Variants in STAB2 observed in about 807,000 individuals in gnomAD.
STAB2 encodes stabilin 2.
Under a neutral mutation model 338.1 loss-of-function variants are expected in STAB2, and 288 were observed. The ratio of observed to expected loss-of-function variants is 0.85; its 90% CI spans 0.77 to 0.94. The LOEUF (loss-of-function observed/expected upper bound fraction) is 0.94. Ranked by LOEUF, STAB2 falls within the 40% of genes least tolerant of loss-of-function variation. The pLI, the probability that STAB2 is intolerant of heterozygous loss-of-function variation, is 0.00. For synonymous variants in STAB2, 1,202 were observed against 1,193.3 expected (o/e 1.01, Z -0.15); for missense variants, 3,141 against 3,210.1 (o/e 0.98, Z 0.52).
intron 63 of STAB2, among the ~76,000 whole-genome samples, chr12:103,756,966 T>C (rs904419768): frequency 1.4e-5 from 2 of 143,972 alleles, no homozygotes; most frequent in African/African-American, 5.2e-5. Context: ...ACCTACCTTC[T>C]CTGGGCCTCA....
Position 103,725,071 on chromosome 12 carries a change from A to G in STAB2, c.4780A>G (p.Thr1594Ala), listed in dbSNP as rs760522305. The part of the protein sequence containing the change: ...CKPNYIGDGF[T>A]CRGSIYQELP... ...GCCAAACTACATTGGAGATGGATTT[A>G]CCTGCCGCGGCAGCATTTATCAGGT... The change falls in exon 45 of 69, where the codon ACC (threonine) becomes GCC (alanine). Residue 1594 changes from threonine to alanine, a missense_variant. Transcript: ENST00000388887. 7 of 1,613,350 alleles carry G rather than the reference A, an allele frequency of 4.3e-6. No homozygotes were observed. Among genetic ancestry groups the G allele is most frequent in the Non-Finnish European group, 5.9e-6 (7 of 1,179,288 alleles).
intron 30 of STAB2, 68 bp from the exon 31 acceptor site, chr12:103,692,744 A>C: frequency 1.9e-5 from 25 of 1,339,928 alleles, no homozygotes; most frequent in Non-Finnish European, 2.4e-5. Flanking sequence ...CAGAAACCCC[A>C]GAGATCATCT....
intron 3 of STAB2, among the ~76,000 whole-genome samples, chr12:103,598,643 G>A (rs925856935): frequency 3.3e-5 from 5 of 152,030 alleles, no homozygotes; most frequent in South Asian, 2.1e-4. Flanking sequence ...ACACTTTTTC[G>A]TTAAAAATTT....
At position 103,690,514 on chromosome 12, in the gene STAB2, C is replaced by T. The variant is rs751626024; in HGVS notation, c.3273C>T (p.Phe1091=). The change falls in exon 30 of 69, where the codon TTC becomes TTT. Residue 1091 remains phenylalanine, a synonymous_variant. Coordinates refer to ENST00000388887, the MANE Select transcript of STAB2 (RefSeq NM_017564.10). ...TGGCAACATCTTTGCAGGGCAACTT[C>T]CTTCACTTGGCAAAGGTGGATGGGG... ...DMLATSLQGN[F]LHLAKVDGNI... The T allele has an allele frequency of 2.5e-6, 4 of 1,614,074 alleles. No homozygotes were observed. The highest frequency in any genetic ancestry group is 3.4e-6 in the Non-Finnish European group (4 of 1,179,944).
intron 24 of STAB2, 92 bp downstream of exon 24, chr12:103,676,113 G>C: frequency 1.1e-6 from 1 of 897,462 alleles, no homozygotes; most frequent in Non-Finnish European, 1.6e-6. Flanking sequence ...CCAGGCTGGA[G>C]TGCAATGGCA....
Position 103,655,470 on chromosome 12 carries a change from A to G in STAB2, c.1623A>G (p.Gly541=). 6.2e-7 allele frequency: 1 copy of G among 1,614,060 alleles called. No homozygotes were observed. Among genetic ancestry groups the G allele is most frequent in the South Asian group, 1.1e-5 (1 of 91,058 alleles). The part of the protein sequence containing the change: ...FRSLLEETNL[G]HALDEDGVGG... ...CCCAAATGCAGGAAACCAATTTGGG[A>G]CATGCCTTAGATGAGGATGGAGTTG... The change falls in exon 15 of 69, where the codon GGA becomes GGG. Residue 541 remains glycine, a synonymous_variant. Transcript: ENST00000388887.
rs755907543 is a variant in STAB2, at chr12:103,746,710, C to A, written c.6244+6C>A. ...TGACGGAATCACATGCACAGGTAAG[C>A]CACCTTTGTGCACAGGTGAAATAGC... On this transcript the variant is annotated splice_donor_region_variant and intron_variant, in intron 58 of 68. Transcript: ENST00000388887. 1 of 1,612,800 alleles carries A rather than the reference C, an allele frequency of 6.2e-7. No homozygotes were observed. Among genetic ancestry groups the A allele is most frequent in the East Asian group, 2.2e-5 (1 of 44,864 alleles).
rs895656717 is a variant in STAB2, at chr12:103,728,869, C to T, written c.4956C>T (p.Tyr1652=). 1.6e-5 allele frequency: 26 copies of T among 1,613,870 alleles called. No homozygotes were observed. Among genetic ancestry groups the T allele is most frequent in the East Asian group, 6.7e-5 (3 of 44,896 alleles). ...EEARVKDWDK[Y]GLMPQVLRYH... ...TACAGGTTAAAGACTGGGACAAATA[C>T]GGTTTAATGCCCCAGGTTCTTCGGT... Residue 1652 remains tyrosine, a synonymous_variant, in exon 48 of 69, where the codon TAC becomes TAT. Transcript: ENST00000388887.
intron 24 of STAB2, 142 bp downstream of exon 24, chr12:103,676,163 G>T: frequency 1.9e-6 from 1 of 526,046 alleles, no homozygotes; most frequent in Non-Finnish European, 3.2e-6. Context: ...CCGGATTCAA[G>T]CGATTCTCCT....
intron 55 of STAB2, among the ~76,000 whole-genome samples, chr12:103,741,867 C>T (rs548496961): frequency 5.1e-4 from 77 of 152,322 alleles, no homozygotes; most frequent in Non-Finnish European, 9.0e-4. Flanking sequence ...CATGCATACT[C>T]CATTCATCAT....
intron 35 of STAB2, among the ~76,000 whole-genome samples, chr12:103,703,749 A>AT (rs781065368): frequency 8.5e-5 from 13 of 152,230 alleles, no homozygotes; most frequent in Non-Finnish European, 1.8e-4. Context: ...GAGGCTTTTC[A>AT]TGCCAATTCA....
At chr12:103,657,226 T>TAAAAAAAAAAAAAAAA (rs140834161) in intron 15 of STAB2, among the ~76,000 whole-genome samples, 2 of 116,410 alleles carry the variant, frequency 1.7e-5, no homozygotes, top group Non-Finnish European at 1.8e-5. Flanking sequence ...TAAAGTGAGC[T>TAAAAAAAAAAAAAAAA]AAAAAAAAAA....
chr12:103,752,386 C>T (rs1018380907), intron 60 of STAB2, among the ~76,000 whole-genome samples: 6 of 152,184 alleles, frequency 3.9e-5, no homozygotes, highest in South Asian at 4.1e-4. Context: ...TATGTTCAAA[C>T]GAGAAAAACT....
At chr12:103,713,796 GA>G in intron 42 of STAB2, 28 bp downstream of exon 42, 1 of 1,612,260 alleles carries the variant, frequency 6.2e-7, no homozygotes, top group East Asian at 2.2e-5. Context: ...TTCCATCGGC[GA>G]AATGGTATAA....
intron 9 of STAB2, among the ~76,000 whole-genome samples, chr12:103,640,999 G>C (rs1241948026): frequency 6.6e-6 from 1 of 152,194 alleles, no homozygotes; most frequent in East Asian, 1.9e-4. Flanking sequence ...CCTGAAGCTA[G>C]AACCCAAGTC....
chr12:103,745,254 G>T lies in STAB2; in HGVS notation c.6113G>T (p.Gly2038Val). ...TGCCTCTGTGAAACGGGGTGGACAGGCCCCTCGTGTGACACTCAGGCAGGT... is the reference window on the plus strand; with the variant it reads ...TGCCTCTGTGAAACGGGGTGGACAGTCCCCTCGTGTGACACTCAGGCAGGT... Reference protein sequence around the residue: ...GQCLCETGWTGPSCDTQAVLP... With the variant: ...GQCLCETGWTVPSCDTQAVLP... Residue 2038 changes from glycine to valine, a missense_variant, in exon 57 of 69, where the codon GGC (glycine) becomes GTC (valine). Coordinates refer to ENST00000388887, the MANE Select transcript of STAB2 (RefSeq NM_017564.10). 1 of 1,613,752 alleles carries T rather than the reference G, an allele frequency of 6.2e-7. No individual in the cohort carries two copies.
intron 15 of STAB2, among the ~76,000 whole-genome samples, chr12:103,658,555 A>T (rs950611965): frequency 2.6e-5 from 4 of 152,080 alleles, no homozygotes; most frequent in South Asian, 4.1e-4. Flanking sequence ...ATGCTTTCCT[A>T]TAGAAGCATC....
intron 1 of STAB2, among the ~76,000 whole-genome samples, chr12:103,587,821 C>T (rs1261147914): frequency 1.3e-5 from 2 of 152,194 alleles, no homozygotes; most frequent in Non-Finnish European, 2.9e-5. Context: ...TCCAGTGCAG[C>T]TGTTGGCGTC....
Position 103,713,785 on chromosome 12 carries a change from C to G in STAB2, c.4537+17C>G. ...TGTGCCTGGGTAGGTGTCCTTCCCT[C>G]TTCCATCGGCGAAATGGTATAAGAG... is the stretch of plus-strand genomic sequence containing the variant. On this transcript the variant is annotated intron_variant, in intron 42 of 68. Transcript: ENST00000388887. 1 of 1,612,906 alleles carries G rather than the reference C, an allele frequency of 6.2e-7. No individual in the cohort carries two copies. Among genetic ancestry groups the G allele is most frequent in the Non-Finnish European group, 8.5e-7 (1 of 1,179,302 alleles).
Sources: gnomAD v4.1 joint callset for allele counts (sites outside exome capture counted in the v4.1 genomes callset) on GRCh38, gnomAD v4.1.1 for gene constraint, MANE v1.5 for transcripts, NCBI Gene and HGNC (gene_info 2026-07-23, HGNC 2026-07-21) for gene names.